DHX36: variants seen among roughly 807,000 people sequenced by gnomAD.
DHX36 encodes DEAH-box helicase 36, also known as ATP-dependent DNA/RNA helicase DHX36.
In DHX36, 50 loss-of-function variants were observed where a neutral mutation model predicts 139.0. That is an observed-to-expected ratio of 0.36 (90% CI 0.29 to 0.46). The LOEUF (loss-of-function observed/expected upper bound fraction) is 0.46, where lower values mean the gene tolerates loss of function less well. DHX36 is among the 20% of genes least tolerant of loss of function. The probability of loss-of-function intolerance (pLI) is 1.00; values close to 1 mark genes in which losing one functional copy is unlikely to be tolerated. For synonymous variants in DHX36, 425 were observed against 401.9 expected (o/e 1.06, Z -0.69); for missense variants, 1,024 against 1,211.3 (o/e 0.85, Z 2.29).
intron 4 of DHX36, among the ~76,000 whole-genome samples, chr3:154,311,057 T>C (rs955176734): frequency 2.0e-5 from 3 of 150,526 alleles, no homozygotes; most frequent in Non-Finnish European, 3.0e-5. Context: ...AGACACAGAG[T>C]GAACAAAACA....
At chr3:154,291,562 T>C (rs941989407) in intron 15 of DHX36, among the ~76,000 whole-genome samples, 1 of 152,184 alleles carries the variant, frequency 6.6e-6, no homozygotes, top group Non-Finnish European at 1.5e-5. Context: ...ACGATTTTGG[T>C]TCAATAGCAT....
rs759062967 is a variant in DHX36 at position 154,324,288 on chromosome 3, T to TCCG, written c.126_128dup (p.Gly46dup). On this transcript the variant is annotated inframe_insertion, in exon 1 of 25. Transcript: ENST00000496811. The stretch of plus-strand genomic sequence containing the variant: ...GGCCCCTGCCGCCTCGACCACCCCC[T>TCCG]CCGCCGCCGCCGCCTCCTCCGGAGC... 1.6e-5 allele frequency: 26 copies of TCCG among 1,599,666 alleles called. 1 individual carries two copies. In the East Asian group the frequency reaches 1.8e-4, roughly 11 times the overall value.
At position 154,277,708 on chromosome 3, in the gene DHX36, A is replaced by C. The variant is rs768118881; in HGVS notation, c.2578T>G (p.Tyr860Asp). Residue 860 changes from tyrosine (Y) to aspartate (D), a missense_variant, in exon 23 of 25, where the codon TAC becomes GAC. Transcript: ENST00000496811. The stretch of plus-strand genomic sequence containing the variant: ...GCAACCAGGCCATCGGTTTTTGTGT[A>C]AACTTTTACCCTTTAAAAAAAGTTA... ...LGKKRKMVKVYTKTDGLVAVH... is the reference protein window; with the variant it reads ...LGKKRKMVKVDTKTDGLVAVH... The C allele has an allele frequency of 6.2e-7, 1 of 1,606,156 alleles. No individual in the cohort carries two copies. The highest frequency in any genetic ancestry group is 8.5e-7 in the Non-Finnish European group (1 of 1,175,124).
Position 154,275,238 on chromosome 3 carries a change from ATT to A in DHX36, c.*931_*932del, listed in dbSNP as rs957860945. The A allele has an allele frequency of 1.2e-4, 18 of 152,196 alleles. 1 individual carries two copies. Among genetic ancestry groups the A allele is most frequent in the African/African-American group, 2.4e-5 (1 of 41,446 alleles). The allele number at this position is 152,196 out of a possible 1,614,324, so 9.4% of individuals were successfully genotyped here. ...ATGTTACCTAGGCACAACCTCCCAT[ATT>A]CTTTAAGTCATCTCTAGATTATTTA... is the stretch of plus-strand genomic sequence containing the variant. On this transcript the variant is annotated 3_prime_UTR_variant, in exon 25 of 25. Coordinates refer to ENST00000496811, the MANE Select transcript of DHX36 (RefSeq NM_020865.3).
intron 12 of DHX36, among the ~76,000 whole-genome samples, chr3:154,296,793 A>G (rs1712064032): frequency 1.3e-5 from 2 of 152,222 alleles, no homozygotes; most frequent in Admixed American, 6.5e-5. Flanking sequence ...GATGATCCCC[A>G]TGGACTCTGA....
rs994295649 is a variant in DHX36 at position 154,273,545 on chromosome 3, A to G, written c.*2626T>C. 3.9e-5 allele frequency: 6 copies of G among 152,236 alleles called. No homozygotes were observed. The highest frequency in any genetic ancestry group is 1.9e-4 in the East Asian group (1 of 5,196). The allele number at this position is 152,236 out of a possible 1,614,324, so 9.4% of individuals were successfully genotyped here. On this transcript the variant is annotated 3_prime_UTR_variant, in exon 25 of 25. Coordinates refer to ENST00000496811, the MANE Select transcript of DHX36 (RefSeq NM_020865.3). ...AAAGCACAAACAGAAACTCTTACAG[A>G]GCAAGAAAGACCAGATGGTCACCTC...
rs1719130793 is a variant in DHX36 at position 154,275,894 on chromosome 3, T to G, written c.*277A>C. 4.7e-6 allele frequency: 1 copy of G among 210,834 alleles called. No homozygotes were observed. The highest frequency in any genetic ancestry group is 9.2e-6 in the Non-Finnish European group (1 of 108,668). 13.1% of individuals were successfully genotyped at this position (210,834 alleles called of 1,614,324 possible). A position where few individuals can be genotyped will look rare whatever the true frequency, so the allele number is the denominator to read the frequency against. ...AGGAATTTCTCAAGTGGTACAATAC[T>G]CAATATATATAAAGGGAATATACTC... On this transcript the variant is annotated 3_prime_UTR_variant, in exon 25 of 25. Coordinates refer to ENST00000496811, the MANE Select transcript of DHX36 (RefSeq NM_020865.3).
At chr3:154,318,421 A>T (rs1713067757) in intron 1 of DHX36, among the ~76,000 whole-genome samples, 1 of 152,114 alleles carries the variant, frequency 6.6e-6, no homozygotes, top group Admixed American at 6.5e-5. Flanking sequence ...TTTGTTTAGT[A>T]AACAATTTCC....
intron 15 of DHX36, 38 bp from the exon 16 acceptor site, chr3:154,289,864 A>T: frequency 7.6e-7 from 1 of 1,316,184 alleles, no homozygotes; most frequent in Non-Finnish European, 1.1e-6. Context: ...ACAAAGAGGG[A>T]CAGTCATCAA....
At chr3:154,311,266 T>A (rs1712753790) in intron 4 of DHX36, among the ~76,000 whole-genome samples, 1 of 152,150 alleles carries the variant, frequency 6.6e-6, no homozygotes, top group East Asian at 1.9e-4. Flanking sequence ...TAAAATTAAC[T>A]GTATTTTTAG....
intron 13 of DHX36, 68 bp downstream of exon 13, chr3:154,295,215 CG>C: frequency 1.1e-6 from 1 of 898,408 alleles, no homozygotes. Flanking sequence ...AAGGAAAACA[CG>C]TAACAAGCAG....
At position 154,284,229 on chromosome 3, in the gene DHX36, A is replaced by C. The variant is rs150282926; in HGVS notation, c.2292+354T>G. 4.5e-3 allele frequency among the ~76,000 whole-genome samples: 692 copies of C among 152,250 alleles called. 4 individuals carry two copies. The highest frequency in any genetic ancestry group is 0.016 in the African/African-American group (656 of 41,570). ...GAGTCTCACTCCATCGCCCAGGCTG[A>C]AGTGCAGTGGCATGATTTCAGCTCA... On this transcript the variant is annotated intron_variant, in intron 19 of 24. Coordinates refer to ENST00000496811, the MANE Select transcript of DHX36 (RefSeq NM_020865.3).
At chr3:154,300,197 A>G (rs1712209502) in intron 11 of DHX36, among the ~76,000 whole-genome samples, 1 of 151,956 alleles carries the variant, frequency 6.6e-6, no homozygotes, top group African/African-American at 2.4e-5. Context: ...CCTCCCAAGT[A>G]GCTGGGATTA....
At chr3:154,317,033 T>G (rs147649279) in intron 1 of DHX36, among the ~76,000 whole-genome samples, 2 of 151,888 alleles carry the variant, frequency 1.3e-5, no homozygotes, top group African/African-American at 2.4e-5. Context: ...AAAGTATAAA[T>G]GGAAAGAAAA....
intron 1 of DHX36, among the ~76,000 whole-genome samples, chr3:154,322,231 C>T (rs1263206586): frequency 1.3e-5 from 2 of 152,112 alleles, no homozygotes; most frequent in Non-Finnish European, 2.9e-5. Flanking sequence ...ACGTTGAAGC[C>T]GTATTACCAA....
At chr3:154,285,405 T>A (rs1347327900) in intron 17 of DHX36, among the ~76,000 whole-genome samples, 1 of 152,184 alleles carries the variant, frequency 6.6e-6, no homozygotes, top group East Asian at 1.9e-4. Context: ...AAAGGAACTA[T>A]CTAAAACCAC....
Position 154,280,866 on chromosome 3 carries a change from G to A in DHX36, c.2377-4C>T. 1 of 1,609,036 alleles carries A rather than the reference G, an allele frequency of 6.2e-7. No individual in the cohort carries two copies. The highest frequency in any genetic ancestry group is 8.5e-7 in the Non-Finnish European group (1 of 1,176,328). On this transcript the variant is annotated splice_polypyrimidine_tract_variant and splice_region_variant and intron_variant, in intron 20 of 24. Transcript: ENST00000496811. Reference sequence around the variant, plus strand: ...GTCCTTTCATGTTATGCAGCATCTAGGGAGCAATGGTAACAAATAGAACTA... The same window carrying A: ...GTCCTTTCATGTTATGCAGCATCTAAGGAGCAATGGTAACAAATAGAACTA...
intron 24 of DHX36, 30 bp from the exon 25 acceptor site, chr3:154,276,386 C>T: frequency 6.3e-7 from 1 of 1,578,446 alleles, no homozygotes; most frequent in African/African-American, 1.4e-5. Flanking sequence ...ACATGTTCAA[C>T]AAAGGCAGAT....
Position 154,316,148 on chromosome 3 carries a change from T to A in DHX36, c.259A>T (p.Met87Leu). ...ATTTGTTCTTCTCGTCGTTCATCCA[T>A]GTGTACTACAGCTCTCTAGTTTGTG... ...AERQERAVVHMDERREEQIVQ... is the reference protein window; with the variant it reads ...AERQERAVVHLDERREEQIVQ... Residue 87 changes from methionine (M) to leucine (L), a missense_variant, in exon 2 of 25, where the codon ATG becomes TTG. Physicochemically the swap from Met to Leu is conservative, Grantham distance 15. Around this residue, in one of 4 missense-constraint regions of DHX36, gnomAD observed 293 missense variants for 274.4 expected, o/e 1.07. Transcript: ENST00000496811. 1 of 1,613,270 alleles carries A rather than the reference T, an allele frequency of 6.2e-7. No individual in the cohort carries two copies.
Sources: allele counts gnomAD v4.1 joint callset (sites outside exome capture counted in the v4.1 genomes callset), GRCh38; gene constraint gnomAD v4.1.1; regional missense constraint gnomAD v4.1.1; transcripts MANE v1.5; gene names NCBI Gene and HGNC (gene_info 2026-07-23, HGNC 2026-07-21).